The following GPC3 variants were observed in gnomAD, a reference collection of about 807,000 sequenced individuals.
The protein encoded by GPC3 is glypican-3.
Under a neutral mutation model 34.4 loss-of-function variants are expected in GPC3, and 3 were observed. That is an observed-to-expected ratio of 0.09 (90% confidence interval 0.04 to 0.23). GPC3 has a LOEUF of 0.23. GPC3 is among the 10% of genes least tolerant of loss of function. The pLI, the probability that GPC3 is intolerant of heterozygous loss-of-function variation, is 1.00. For synonymous variants in GPC3, 177 were observed against 174.0 expected (o/e 1.02, Z -0.13); for missense variants, 351 against 445.6 (o/e 0.79, Z 1.91).
chrX:133,806,433 C>T (rs1452128622), intron 2 of GPC3, among the ~76,000 whole-genome samples: 2 of 111,292 alleles, frequency 1.8e-5, no homozygotes, highest in Non-Finnish European at 3.8e-5. Flanking sequence ...ATGTGTTACT[C>T]TAAGTAAGTC....
At chrX:133,564,269 T>C (rs1005152994) in intron 7 of GPC3, among the ~76,000 whole-genome samples, 3 of 111,671 alleles carry the variant, frequency 2.7e-5, no homozygotes, top group African/African-American at 9.8e-5. Flanking sequence ...AGTCCTTCCA[T>C]ATCCTCAGAA....
intron 5 of GPC3, among the ~76,000 whole-genome samples, chrX:133,677,514 A>C (rs1284810428): frequency 1.8e-5 from 2 of 112,438 alleles, no homozygotes; most frequent in Non-Finnish European, 3.8e-5. Flanking sequence ...GACTTGTCCA[A>C]GGTCATGCAA....
chrX:133,668,512 T>G (rs780107265), intron 5 of GPC3, among the ~76,000 whole-genome samples: 1 of 110,495 alleles, frequency 9.1e-6, no homozygotes, highest in African/African-American at 3.3e-5. Flanking sequence ...TGCCACCCCA[T>G]GTACTCTGTG....
At chrX:133,860,611 C>A (rs1367298621) in intron 2 of GPC3, among the ~76,000 whole-genome samples, 1 of 111,939 alleles carries the variant, frequency 8.9e-6, no homozygotes, top group Non-Finnish European at 1.9e-5. Flanking sequence ...AATGAATAAA[C>A]TAAGCCTGAG....
chrX:133,655,182 G>A (rs1433475203), intron 6 of GPC3, among the ~76,000 whole-genome samples: 2 of 111,154 alleles, frequency 1.8e-5, no homozygotes, highest in African/African-American at 3.3e-5. Flanking sequence ...TCTTCTTGGT[G>A]CAGTGTTATT....
intron 3 of GPC3, among the ~76,000 whole-genome samples, chrX:133,751,742 A>G (rs1002706886): frequency 1.3e-4 from 15 of 112,467 alleles, no homozygotes; most frequent in African/African-American, 3.5e-4. Context: ...AACCAAGCCA[A>G]CAAAGTCTGG....
chrX:133,733,826 A>G (rs2071484943), intron 3 of GPC3, among the ~76,000 whole-genome samples: 3 of 112,083 alleles, frequency 2.7e-5, no homozygotes, highest in Non-Finnish European at 3.8e-5. Flanking sequence ...ATTTCTAAAA[A>G]CTATCAAAAC....
Position 133,672,553 on chromosome X carries a change from C to T in GPC3, c.1293-10703G>A, listed in dbSNP as rs1352586301. Among the ~76,000 whole-genome samples, 8 of 112,402 alleles carry T rather than the reference C, an allele frequency of 7.1e-5. No homozygotes were observed. In the South Asian group the frequency reaches 1.9e-3, roughly 26 times the overall value. On this transcript the variant is annotated intron_variant, in intron 5 of 7. Transcript: ENST00000370818. ...ACTTCTTATTCAATCACCCCAAACT[C>T]GTTTACCAAGTCCTTCTAGTCCAGA...
chrX:133,706,748 G>A (rs1432799246), intron 3 of GPC3, among the ~76,000 whole-genome samples: 1 of 111,911 alleles, frequency 8.9e-6, no homozygotes, highest in Non-Finnish European at 1.9e-5. Flanking sequence ...TTTACACACT[G>A]CTGGTGGGAG....
Position 133,543,977 on chromosome X carries a change from T to C in GPC3, c.1574-7684A>G, listed in dbSNP as rs952728446. On this transcript the variant is annotated intron_variant, in intron 7 of 7. Coordinates refer to ENST00000370818, the MANE Select transcript of GPC3 (RefSeq NM_004484.4). ...GGGTACGGTGGCTTACACCTTGTAA[T>C]CCCAGGATTCTGGTAGGCCAAGGGG... Among the ~76,000 whole-genome samples, 4 of 111,842 alleles carry C rather than the reference T, an allele frequency of 3.6e-5. No homozygotes were observed. In the East Asian group the frequency reaches 1.1e-3, roughly 31 times the overall value.
rs993221601 is a variant in GPC3, at chrX:133,584,169, T to C, written c.1573+12271A>G. On this transcript the variant is annotated intron_variant, in intron 7 of 7. Coordinates refer to ENST00000370818, the MANE Select transcript of GPC3 (RefSeq NM_004484.4). ...GATGCAATGAAGGTGAAGCACACTG[T>C]TGCCCTATTGAATATGGGACCAAAG... 2.7e-5 allele frequency among the ~76,000 whole-genome samples: 3 copies of C among 112,312 alleles called. No homozygotes were observed. In the East Asian group the frequency reaches 8.4e-4, roughly 32 times the overall value.
rs764785917 is a variant in GPC3, at chrX:133,552,862, C to T, written c.1574-16569G>A. Among the ~76,000 whole-genome samples, 278 of 111,491 alleles carry T rather than the reference C, an allele frequency of 2.5e-3. 1 individual carries two copies. Among genetic ancestry groups the T allele is most frequent in the African/African-American group, 8.8e-3 (271 of 30,686 alleles). The stretch of plus-strand genomic sequence containing the variant: ...AACTGAGGAGAAAAAGCTGGATGAT[C>T]CTCATACAAATAGCTCTGTGGGCAT... On this transcript the variant is annotated intron_variant, in intron 7 of 7. Transcript: ENST00000370818.
At chrX:133,890,283 T>C (rs1470201241) in intron 2 of GPC3, among the ~76,000 whole-genome samples, 1 of 111,684 alleles carries the variant, frequency 9.0e-6, no homozygotes, top group African/African-American at 3.3e-5. Context: ...TTATTTCTAG[T>C]TTTTCATTTT....
chrX:133,921,546 T>C (rs2076247683), intron 2 of GPC3, among the ~76,000 whole-genome samples: 1 of 112,340 alleles, frequency 8.9e-6, no homozygotes, highest in African/African-American at 3.2e-5. Flanking sequence ...AGCTAATAGA[T>C]GGCAGAGCAG....
At chrX:133,786,610 G>A (rs973224339) in intron 2 of GPC3, among the ~76,000 whole-genome samples, 2 of 112,023 alleles carry the variant, frequency 1.8e-5, no homozygotes, top group Admixed American at 9.4e-5. Flanking sequence ...TATGCACTGG[G>A]AGAAGTGAGT....
intron 2 of GPC3, among the ~76,000 whole-genome samples, chrX:133,779,596 T>A (rs183823050): frequency 8.9e-6 from 1 of 112,254 alleles, no homozygotes; most frequent in East Asian, 2.8e-4. Context: ...CAGTGTTCAT[T>A]GTTATTAATA....
intron 2 of GPC3, among the ~76,000 whole-genome samples, chrX:133,847,404 C>T (rs916612433): frequency 3.6e-5 from 4 of 112,053 alleles, no homozygotes; most frequent in South Asian, 3.7e-4. Context: ...ATACGAATTG[C>T]GGATTTCACA....
intron 2 of GPC3, among the ~76,000 whole-genome samples, chrX:133,816,680 C>CA (rs947336053): frequency 1.1e-4 from 12 of 109,705 alleles, no homozygotes; most frequent in African/African-American, 3.3e-4. Context: ...TAGGAGCCAA[C>CA]AAAAAAAATG....
chrX:133,578,089 A>G (rs1209137562), intron 7 of GPC3, among the ~76,000 whole-genome samples: 1 of 112,300 alleles, frequency 8.9e-6, no homozygotes, highest in East Asian at 2.8e-4. Context: ...CCGGGCACAT[A>G]GTAAGCACTC....
Sources: gnomAD v4.1 joint callset for allele counts (sites outside exome capture counted in the v4.1 genomes callset) on GRCh38, gnomAD v4.1.1 for gene constraint, MANE v1.5 for transcripts, NCBI Gene and HGNC (gene_info 2026-07-23, HGNC 2026-07-21) for gene names.